Variants in HDAC9 observed in about 807,000 individuals in gnomAD.
The protein encoded by HDAC9 is MEF-2 interacting transcription repressor (MITR) protein.
A neutral mutation model predicts 139.4 loss-of-function variants in HDAC9; 41 were observed. That is an observed-to-expected ratio of 0.29 (90% CI 0.23 to 0.38). The LOEUF (loss-of-function observed/expected upper bound fraction) is 0.38, where lower values mean the gene tolerates loss of function less well. Among genes scored for constraint, HDAC9 ranks in the 10% least tolerant of loss-of-function variants. The probability of loss-of-function intolerance (pLI) is 1.00; values close to 1 mark genes in which losing one functional copy is unlikely to be tolerated. For missense variants in HDAC9, 1,147 were observed against 1,297.0 expected (o/e 0.88, Z 1.78); for synonymous variants, 517 against 476.2 (o/e 1.09, Z -1.12).
At chr7:18,399,101 G>A (rs1787310237) in intron 1 of HDAC9, among the ~76,000 whole-genome samples, 1 of 152,112 alleles carries the variant, frequency 6.6e-6, no homozygotes, top group African/African-American at 2.4e-5. Context: ...GTGGAAAGAA[G>A]CAAGCAACCC....
chr7:18,819,323 A>G (rs1585095009), intron 17 of HDAC9, among the ~76,000 whole-genome samples: 1 of 152,300 alleles, frequency 6.6e-6, no homozygotes, highest in Middle Eastern at 3.4e-3. Flanking sequence ...CCAACAAAAA[A>G]TAAATGTTTA....
Position 18,126,493 on chromosome 7 carries a change from G to C in HDAC9, c.-96-35736G>C, listed in dbSNP as rs1562647547. Among the ~76,000 whole-genome samples the C allele has an allele frequency of 2.0e-5, 3 of 152,084 alleles. No homozygotes were observed. In the South Asian group the frequency reaches 6.2e-4, roughly 31 times the overall value. On this transcript the variant is annotated intron_variant, in intron 1 of 12. Coordinates refer to the HDAC9 transcript ENST00000417496. ...CTTAATTAGCAGCTAAGAGCTTTGT[G>C]CTTTGTATTTTAAGGAAGCATGTGA...
chr7:18,226,095 T>C lies in HDAC9; in HGVS notation c.25+63746T>C, dbSNP rs538015486. The stretch of plus-strand genomic sequence containing the variant: ...TTGAAATGTACTTAACTGTAACATA[T>C]CTATACTTTAATGTATGTCACTGAA... On this transcript the variant is annotated intron_variant, in intron 2 of 12. Transcript: ENST00000417496. 3.9e-5 allele frequency among the ~76,000 whole-genome samples: 6 copies of C among 152,284 alleles called. No homozygotes were observed. In the South Asian group the frequency reaches 1.2e-3, roughly 32 times the overall value.
intron 21 of HDAC9, among the ~76,000 whole-genome samples, chr7:18,870,758 C>CA (rs1362386899): frequency 1.3e-5 from 2 of 152,142 alleles, no homozygotes; most frequent in African/African-American, 4.8e-5. Flanking sequence ...ATTGCAGCCT[C>CA]AAACTCCTAG....
intron 2 of HDAC9, among the ~76,000 whole-genome samples, chr7:18,232,066 T>G (rs1345226343): frequency 6.6e-6 from 1 of 152,214 alleles, no homozygotes; most frequent in African/African-American, 2.4e-5. Context: ...ATCATAATTA[T>G]GAGACATTAT....
At chr7:18,494,717 C>G (rs867969167), upstream of HDAC9, among the ~76,000 whole-genome samples, 2 of 152,038 alleles carry the variant, frequency 1.3e-5, no homozygotes, top group Non-Finnish European at 2.9e-5. Context: ...AATGCTATTT[C>G]TACAGAAAAG....
intron 2 of HDAC9, among the ~76,000 whole-genome samples, chr7:18,174,777 G>T (rs1388734109): frequency 2.0e-5 from 3 of 152,196 alleles, no homozygotes; most frequent in African/African-American, 7.2e-5. Flanking sequence ...GGTATCACCA[G>T]TGGAGGCTGC....
intron 16 of HDAC9, among the ~76,000 whole-genome samples, chr7:18,781,844 A>C (rs570030534): frequency 3.7e-4 from 57 of 152,224 alleles, no homozygotes; most frequent in Non-Finnish European, 7.4e-4. Flanking sequence ...GATAATTTTT[A>C]AGTTACCAAA....
At chr7:18,124,869 T>C (rs1472561124) in intron 1 of HDAC9, among the ~76,000 whole-genome samples, 9 of 151,786 alleles carry the variant, frequency 5.9e-5, no homozygotes, top group Admixed American at 3.9e-4. Flanking sequence ...AGATGACTGA[T>C]ATTTTCTCAG....
At chr7:18,662,993 A>G (rs1562805951) in intron 11 of HDAC9, among the ~76,000 whole-genome samples, 1 of 152,062 alleles carries the variant, frequency 6.6e-6, no homozygotes. Context: ...GAGCAGGAGC[A>G]CTGATGGTAA....
At chr7:18,464,452 A>G (rs565485924) in intron 1 of HDAC9, among the ~76,000 whole-genome samples, 3 of 152,116 alleles carry the variant, frequency 2.0e-5, no homozygotes, top group Non-Finnish European at 2.9e-5. Context: ...TGCATTGGAT[A>G]GCACATTATT....
chr7:18,390,320 A>C (rs1786355802), intron 1 of HDAC9, among the ~76,000 whole-genome samples: 1 of 152,164 alleles, frequency 6.6e-6, no homozygotes, highest in Non-Finnish European at 1.5e-5. Context: ...AGGGGGTTTC[A>C]GTGCCTGCTC....
intron 22 of HDAC9, among the ~76,000 whole-genome samples, chr7:18,914,024 G>T (rs780664547): frequency 6.6e-6 from 1 of 151,976 alleles, no homozygotes; most frequent in Middle Eastern, 3.2e-3. Context: ...AATGTTAGGA[G>T]GTAGGGCTTT....
chr7:18,809,783 A>T (rs936370425), intron 17 of HDAC9, among the ~76,000 whole-genome samples: 1 of 151,952 alleles, frequency 6.6e-6, no homozygotes, highest in Non-Finnish European at 1.5e-5. Flanking sequence ...TCTAAATGGG[A>T]AATTTATCAT....
At position 18,162,235 on chromosome 7, in the gene HDAC9, C is replaced by G. The variant is rs575942844; in HGVS notation, c.-90C>G. On this transcript the variant is annotated 5_prime_UTR_variant, in exon 2 of 13. Coordinates refer to the HDAC9 transcript ENST00000417496. ...CATTTTTCTTATGTTCTAGGTTTCT[C>G]CTCTGCCAACCCCTCCTGGACCATT... The G allele has an allele frequency of 7.0e-5, 82 of 1,163,768 alleles. No individual in the cohort carries two copies. The African/African-American group carries it at 1.1e-3, about 16-fold the overall frequency. The allele number at this position is 1,163,768 out of a possible 1,614,324, so 72.1% of individuals were successfully genotyped here.
chr7:18,895,426 T>C (rs1034319465), intron 22 of HDAC9, among the ~76,000 whole-genome samples: 1 of 151,954 alleles, frequency 6.6e-6, no homozygotes, highest in Non-Finnish European at 1.5e-5. Context: ...AGAGAGTAAA[T>C]TGAAAAGCTA....
intron 2 of HDAC9, among the ~76,000 whole-genome samples, chr7:18,239,762 G>T (rs1335261837): frequency 6.6e-6 from 1 of 152,136 alleles, no homozygotes; most frequent in Admixed American, 6.5e-5. Context: ...TGCCACAGGA[G>T]AATGGGAATG....
rs75419337 is a variant in HDAC9, at chr7:18,888,830, G to A, written c.2803+14234G>A. On this transcript the variant is annotated intron_variant, in intron 22 of 25. Transcript: ENST00000686413. The stretch of plus-strand genomic sequence containing the variant: ...TAAATACTGGCTTTGATTGCTGCAT[G>A]CTTGTGTAATGTTCAACCCTTTTTC... 4.3e-3 allele frequency among the ~76,000 whole-genome samples: 648 copies of A among 152,264 alleles called. 6 individuals are homozygous for A. The highest frequency in any genetic ancestry group is 6.7e-3 in the Non-Finnish European group (456 of 68,018).
At chr7:18,857,080 T>A (rs1179357044) in intron 21 of HDAC9, among the ~76,000 whole-genome samples, 1 of 152,212 alleles carries the variant, frequency 6.6e-6, no homozygotes, top group Non-Finnish European at 1.5e-5. Flanking sequence ...TGTTTCAACT[T>A]CATTTAAATT....
Sources: allele counts gnomAD v4.1 joint callset (sites outside exome capture counted in the v4.1 genomes callset), GRCh38; gene constraint gnomAD v4.1.1; transcripts MANE v1.5; gene names NCBI Gene and HGNC (gene_info 2026-07-23, HGNC 2026-07-21).